AKAP13: variants seen among roughly 807,000 people sequenced by gnomAD.
AKAP13 encodes A-kinase anchor protein 13.
A neutral mutation model predicts 264.5 loss-of-function variants in AKAP13; 80 were observed. The ratio of observed to expected loss-of-function variants is 0.30; its 90% CI spans 0.25 to 0.36. The LOEUF (loss-of-function observed/expected upper bound fraction) is 0.36. Among genes scored for constraint, AKAP13 ranks in the 10% least tolerant of loss-of-function variants. AKAP13 has a pLI of 1.00. For missense variants in AKAP13, 3,712 were observed against 3,435.2 expected (o/e 1.08, Z -2.01); for synonymous variants, 1,380 against 1,250.2 (o/e 1.10, Z -2.19).
chr15:85,655,679 C>A lies in AKAP13; in HGVS notation c.4637C>A (p.Ala1546Glu). The A allele has an allele frequency of 6.2e-7, 1 of 1,614,198 alleles. No individual in the cohort carries two copies. The highest frequency in any genetic ancestry group is 8.5e-7 in the Non-Finnish European group (1 of 1,180,028). ...EEMDSITEVP[A>E]NCSVLRSSMR... ...ATGGACAGTATCACTGAAGTGCCTG[C>A]AAACTGCTCTGTCCTAAGGAGCTCC... Residue 1546 changes from alanine (A) to glutamate (E), a missense_variant, in exon 11 of 37, where the codon GCA becomes GAA. Transcript: ENST00000394518.
intron 8 of AKAP13, among the ~76,000 whole-genome samples, chr15:85,630,537 C>A (rs897938351): frequency 1.3e-5 from 2 of 152,122 alleles, no homozygotes; most frequent in African/African-American, 4.8e-5. Context: ...TCTTTGAGGA[C>A]AAGCTATTTT....
At chr15:85,558,953 C>T (rs1029631837) in intron 5 of AKAP13, among the ~76,000 whole-genome samples, 2 of 151,706 alleles carry the variant, frequency 1.3e-5, no homozygotes, top group African/African-American at 4.8e-5. Flanking sequence ...TCCTCCTCCT[C>T]CCTCCCTTTG....
intron 1 of AKAP13, chr15:85,415,219 C>T (rs992422088): frequency 6.5e-7 from 1 of 1,540,252 alleles, no homozygotes; most frequent in African/African-American, 1.4e-5. Flanking sequence ...AGCTCGCCCG[C>T]ACCCCTCATG....
chr15:85,650,780 A>AAAAAAAAAAAC, intron 10 of AKAP13, among the ~76,000 whole-genome samples: 2 of 145,798 alleles, frequency 1.4e-5, no homozygotes, highest in South Asian at 2.1e-4. Flanking sequence ...AAAAAAAAAA[A>AAAAAAAAAAAC]AAAAAAAAAA....
At chr15:85,399,263 G>A (rs972416014) in intron 1 of AKAP13, among the ~76,000 whole-genome samples, 4 of 151,630 alleles carry the variant, frequency 2.6e-5, no homozygotes, top group African/African-American at 7.3e-5. Context: ...TTGGGAGGCC[G>A]AGGCGGGTGG....
chr15:85,744,686 C>A lies in AKAP13; in HGVS notation c.*9C>A. ...AAGAGATCTTCTGCTGACCCTCTTCCTCTCTGCTGAGGCAGCTGCCTCCTG... is the reference window on the plus strand; with the variant it reads ...AAGAGATCTTCTGCTGACCCTCTTCATCTCTGCTGAGGCAGCTGCCTCCTG... On this transcript the variant is annotated 3_prime_UTR_variant, in exon 37 of 37. Coordinates refer to ENST00000394518, the MANE Select transcript of AKAP13 (RefSeq NM_007200.5). 1 of 1,599,216 alleles carries A rather than the reference C, an allele frequency of 6.3e-7. No homozygotes were observed. The highest frequency in any genetic ancestry group is 8.5e-7 in the Non-Finnish European group (1 of 1,173,306).
chr15:85,594,254 T>C (rs1437967575), intron 8 of AKAP13, among the ~76,000 whole-genome samples: 1 of 152,216 alleles, frequency 6.6e-6, no homozygotes, highest in African/African-American at 2.4e-5. Context: ...TCAACAAATG[T>C]TCATTGAACT....
intron 1 of AKAP13, among the ~76,000 whole-genome samples, chr15:85,485,285 C>G: frequency 6.6e-6 from 1 of 152,130 alleles, no homozygotes; most frequent in Non-Finnish European, 1.5e-5. Context: ...TCTAGTGGTC[C>G]CTTGCAATCC....
intron 1 of AKAP13, among the ~76,000 whole-genome samples, chr15:85,406,221 G>A (rs2071654689): frequency 6.6e-6 from 1 of 152,112 alleles, no homozygotes; most frequent in Admixed American, 6.5e-5. Context: ...GATTAAGACT[G>A]CACACCCCAC....
chr15:85,382,283 C>T (rs2070320878), intron 1 of AKAP13: 1 of 152,210 alleles, frequency 6.6e-6, no homozygotes, highest in Non-Finnish European at 1.5e-5. Flanking sequence ...AGTGATTTCT[C>T]GTGCTAAGTG....
intron 5 of AKAP13, among the ~76,000 whole-genome samples, chr15:85,556,557 C>T (rs1016321242): frequency 1.3e-5 from 2 of 152,204 alleles, no homozygotes; most frequent in African/African-American, 4.8e-5. Context: ...TTTCTCACCC[C>T]TCCAAGAATA....
At chr15:85,695,702 T>G (rs2085529271) in intron 17 of AKAP13, among the ~76,000 whole-genome samples, 1 of 152,250 alleles carries the variant, frequency 6.6e-6, no homozygotes. Flanking sequence ...CGAATCCTCA[T>G]GCATCCCTGT....
In AKAP13 at chr15:85,650,496, G is replaced by A. The variant is rs747364849; in HGVS notation, c.4374+4542G>A. On this transcript the variant is annotated intron_variant, in intron 10 of 36. Transcript: ENST00000394518. ...AAGAAAATGACAATTGCGGCTGGGC[G>A]TGGTGGCTCATGCCTTTGAGAGGCC... is the stretch of plus-strand genomic sequence containing the variant. 4.6e-5 allele frequency among the ~76,000 whole-genome samples: 7 copies of A among 151,812 alleles called. 1 individual carries two copies. The East Asian group carries it at 1.4e-3, about 29-fold the overall frequency.
In AKAP13 at chr15:85,579,790, T is replaced by G. The variant is rs771289120; in HGVS notation, c.1722T>G (p.Arg574=). 1 of 1,614,182 alleles carries G rather than the reference T, an allele frequency of 6.2e-7. No homozygotes were observed. The highest frequency in any genetic ancestry group is 1.1e-5 in the South Asian group (1 of 91,084). Residue 574 remains arginine, a synonymous_variant, in exon 7 of 37, where the codon CGT becomes CGG. Coordinates refer to ENST00000394518, the MANE Select transcript of AKAP13 (RefSeq NM_007200.5). ...KTAETETSRS[R]EESADAPVDQ... ...CAGAAACGGAAACTTCACGAAGTCG[T>G]GAGGAGAGTGCTGATGCTCCAGTAG...
intron 19 of AKAP13, among the ~76,000 whole-genome samples, chr15:85,711,969 A>G (rs963469784): frequency 7.2e-5 from 11 of 151,906 alleles, no homozygotes; most frequent in African/African-American, 2.7e-4. Flanking sequence ...AGTTGCTGGC[A>G]CTCCAGGTGT....
intron 1 of AKAP13, among the ~76,000 whole-genome samples, chr15:85,406,403 T>TG (rs1328787812): frequency 6.8e-6 from 1 of 147,690 alleles, no homozygotes; most frequent in Non-Finnish European, 1.5e-5. Flanking sequence ...ATAGTTTTTT[T>TG]TTTTGTTTTT....
At chr15:85,676,458 G>C (rs534114609) in intron 14 of AKAP13, among the ~76,000 whole-genome samples, 1 of 152,318 alleles carries the variant, frequency 6.6e-6, no homozygotes, top group Non-Finnish European at 1.5e-5. Flanking sequence ...GAAAAGATAA[G>C]TTCACTTACC....
At chr15:85,396,427 T>A (rs1221811043) in intron 1 of AKAP13, among the ~76,000 whole-genome samples, 1 of 152,196 alleles carries the variant, frequency 6.6e-6, no homozygotes, top group Non-Finnish European at 1.5e-5. Context: ...AGTAGAACGG[T>A]AGAATTGACT....
intron 19 of AKAP13, among the ~76,000 whole-genome samples, chr15:85,713,958 G>A (rs988203258): frequency 1.3e-5 from 2 of 152,138 alleles, no homozygotes; most frequent in African/African-American, 4.8e-5. Context: ...TATGCACTAT[G>A]AGAACAATTT....
Sources: allele counts gnomAD v4.1 joint callset (sites outside exome capture counted in the v4.1 genomes callset), GRCh38; gene constraint gnomAD v4.1.1; transcripts MANE v1.5; gene names NCBI Gene and HGNC (gene_info 2026-07-23, HGNC 2026-07-21).